Variants in GRHL2 observed in about 807,000 individuals in gnomAD.
GRHL2 encodes the protein grainyhead like transcription factor 2, also known as grainyhead-like protein 2 homolog.
Under a neutral mutation model 83.8 loss-of-function variants are expected in GRHL2, and 21 were observed. That is an observed-to-expected ratio of 0.25 (90% CI 0.18 to 0.36). The LOEUF is 0.36. Among genes scored for constraint, GRHL2 ranks in the 10% least tolerant of loss-of-function variants. The pLI is 1.00. For synonymous variants in GRHL2, 280 were observed against 278.9 expected (o/e 1.00, Z -0.04); for missense variants, 623 against 781.8 (o/e 0.80, Z 2.42).
rs534492441 is a variant in GRHL2, at chr8:101,566,401, C to G, written c.679-3938C>G. On this transcript the variant is annotated intron_variant, in intron 4 of 15. Coordinates refer to ENST00000646743, the MANE Select transcript of GRHL2 (RefSeq NM_024915.4). ...AAAGCTGTTATTTAACTTTGCAGCA[C>G]CATTTGACACTGTTGATCACTCCTC... 4.3e-4 allele frequency among the ~76,000 whole-genome samples: 65 copies of G among 151,564 alleles called. No homozygotes were observed. In the East Asian group the frequency reaches 9.5e-3, roughly 22 times the overall value.
intron 1 of GRHL2, among the ~76,000 whole-genome samples, chr8:101,502,837 T>C (rs982395579): frequency 2.3e-4 from 35 of 151,748 alleles, no homozygotes; most frequent in Admixed American, 9.9e-4. Flanking sequence ...CCCTTCTCCT[T>C]CTTTTTTTTC....
chr8:101,511,300 A>T (rs887226809), intron 1 of GRHL2, among the ~76,000 whole-genome samples: 1 of 152,200 alleles, frequency 6.6e-6, no homozygotes, highest in Non-Finnish European at 1.5e-5. Flanking sequence ...GGCTAAGCAT[A>T]TTGAAGCCTT....
chr8:101,577,706 C>T (rs1208568059), intron 7 of GRHL2, among the ~76,000 whole-genome samples, 187 bp downstream of exon 7: 1 of 152,216 alleles, frequency 6.6e-6, no homozygotes, highest in African/African-American at 2.4e-5. Flanking sequence ...AAGCCGAGAG[C>T]AAAGCGTTTT....
intron 8 of GRHL2, among the ~76,000 whole-genome samples, chr8:101,616,207 G>C (rs919554438): frequency 2.1e-5 from 3 of 145,534 alleles, no homozygotes; most frequent in Non-Finnish European, 4.5e-5. Context: ...TTTCACTCTT[G>C]TTGCCCAGGC....
chr8:101,632,963 C>G (rs1186081465), intron 11 of GRHL2, among the ~76,000 whole-genome samples: 1 of 152,134 alleles, frequency 6.6e-6, no homozygotes, highest in African/African-American at 2.4e-5. Context: ...ATTATGGTAG[C>G]TCAAGTTGAT....
At position 101,558,803 on chromosome 8, in the gene GRHL2, A is replaced by G; in HGVS notation, c.669A>G (p.Ala223=). The change falls in exon 4 of 16, where the codon GCA becomes GCG. Residue 223 remains alanine, a synonymous_variant. Coordinates refer to ENST00000646743, the MANE Select transcript of GRHL2 (RefSeq NM_024915.4). ...DSTYSESFKD[A]ATEKFRSASV... Reference sequence around the variant, plus strand: ...CATACAGCGAGAGCTTCAAGGACGCAGCCACAGAGGTGAGTCCCAGGCTCC... The same window carrying G: ...CATACAGCGAGAGCTTCAAGGACGCGGCCACAGAGGTGAGTCCCAGGCTCC... 4.3e-6 allele frequency: 7 copies of G among 1,614,102 alleles called. No homozygotes were observed. Among genetic ancestry groups the G allele is most frequent in the Non-Finnish European group, 5.1e-6 (6 of 1,179,994 alleles).
Position 101,594,069 on chromosome 8 carries a change from CAAAAAAAAAAA to C in GRHL2, c.1004-4969_1004-4959del, listed in dbSNP as rs534396520. Among the ~76,000 whole-genome samples the C allele has an allele frequency of 2.4e-3, 116 of 49,106 alleles. 1 individual carries two copies. The East Asian group carries it at 0.038, about 16-fold the overall frequency. The allele number at this position is 49,106 out of a possible 152,430, so 32.2% of individuals were successfully genotyped here. A position where few individuals can be genotyped will look rare whatever the true frequency, so the allele number is the denominator to read the frequency against. On this transcript the variant is annotated intron_variant, in intron 7 of 15. Coordinates refer to ENST00000646743, the MANE Select transcript of GRHL2 (RefSeq NM_024915.4). ...GGACAATAAGAGTGAGAGTCTGTAT[CAAAAAAAAAAA>C]AAAAAAAAAAAAAAAAAAGAGAGAG...
downstream of GRHL2, among the ~76,000 whole-genome samples, chr8:101,671,708 G>C (rs1780998268): frequency 6.6e-6 from 1 of 152,234 alleles, no homozygotes; most frequent in South Asian, 2.1e-4. Flanking sequence ...CCAGCACGCA[G>C]CTGGAGATCT....
chr8:101,586,141 G>C lies in GRHL2; in HGVS notation c.1003+8622G>C, dbSNP rs1419492089. The stretch of plus-strand genomic sequence containing the variant: ...AGGTGGGACTGCGGACTGCAGTGGC[G>C]CAATCTCGGCTCACTGCAAGCTCCG... On this transcript the variant is annotated intron_variant, in intron 7 of 15. Coordinates refer to ENST00000646743, the MANE Select transcript of GRHL2 (RefSeq NM_024915.4). Among the ~76,000 whole-genome samples the C allele has an allele frequency of 2.8e-5, 4 of 141,426 alleles. No individual in the cohort carries two copies. In the Admixed American group the frequency reaches 3.1e-4, roughly 11 times the overall value. The allele number at this position is 141,426 out of a possible 152,430, so 92.8% of individuals were successfully genotyped here. A position where few individuals can be genotyped will look rare whatever the true frequency, so the allele number is the denominator to read the frequency against.
chr8:101,548,375 T>C (rs770123576), intron 2 of GRHL2, among the ~76,000 whole-genome samples: 9 of 152,184 alleles, frequency 5.9e-5, no homozygotes, highest in Non-Finnish European at 1.3e-4. Flanking sequence ...AAAAGGGGCA[T>C]GTTCCAAGAG....
Position 101,593,039 on chromosome 8 carries a change from C to T in GRHL2, c.1004-6018C>T, listed in dbSNP as rs58232071. On this transcript the variant is annotated intron_variant, in intron 7 of 15. Transcript: ENST00000646743. Reference sequence around the variant, plus strand: ...TCGGCTCACTGCAACCTGTGCCTCCCGAGTTCCAGTGATTCTCCTGCCTCA... The same window carrying T: ...TCGGCTCACTGCAACCTGTGCCTCCTGAGTTCCAGTGATTCTCCTGCCTCA... 2.4e-3 allele frequency among the ~76,000 whole-genome samples: 357 copies of T among 151,256 alleles called. 7 individuals are homozygous for T. The East Asian group carries it at 0.057, about 24-fold the overall frequency.
intron 14 of GRHL2, among the ~76,000 whole-genome samples, chr8:101,661,488 C>A (rs1161002638): frequency 6.6e-6 from 1 of 152,226 alleles, no homozygotes; most frequent in Admixed American, 6.5e-5. Flanking sequence ...AACACACACA[C>A]ATCCTCCCAT....
At chr8:101,628,459 A>G (rs1813122837) in intron 9 of GRHL2, among the ~76,000 whole-genome samples, 1 of 152,032 alleles carries the variant, frequency 6.6e-6, no homozygotes, top group African/African-American at 2.4e-5. Context: ...CCAGTCACCC[A>G]AGAGCTCTGA....
At chr8:101,537,921 ATTTCT>A (rs748832239) in intron 1 of GRHL2, among the ~76,000 whole-genome samples, 2 of 152,144 alleles carry the variant, frequency 1.3e-5, no homozygotes, top group Non-Finnish European at 2.9e-5. Flanking sequence ...TTTTAAAAAA[ATTTCT>A]TTTCTTTCCT....
chr8:101,574,649 C>T lies in GRHL2; in HGVS notation c.891+825C>T, dbSNP rs77900753. 3.0e-3 allele frequency among the ~76,000 whole-genome samples: 455 copies of T among 152,324 alleles called. 1 individual carries two copies. The highest frequency in any genetic ancestry group is 5.1e-3 in the Non-Finnish European group (346 of 68,020). On this transcript the variant is annotated intron_variant, in intron 6 of 15. Coordinates refer to ENST00000646743, the MANE Select transcript of GRHL2 (RefSeq NM_024915.4). Reference sequence around the variant, plus strand: ...CTACAGCGCCACAACTCGGGCATGCCGCCAGTGCAGGTGGGGCGCAGGTTC... The same window carrying T: ...CTACAGCGCCACAACTCGGGCATGCTGCCAGTGCAGGTGGGGCGCAGGTTC...
chr8:101,657,953 G>A (rs974649717), intron 14 of GRHL2, among the ~76,000 whole-genome samples: 2 of 152,208 alleles, frequency 1.3e-5, no homozygotes, highest in Admixed American at 6.5e-5. Flanking sequence ...ATAGAAGGAA[G>A]GATTGTTGTG....
At chr8:101,632,718 A>C (rs972206094) in intron 11 of GRHL2, among the ~76,000 whole-genome samples, 1 of 152,212 alleles carries the variant, frequency 6.6e-6, no homozygotes, top group African/African-American at 2.4e-5. Context: ...GAGAAGTTGA[A>C]CTGCACCTGT....
rs142814399 is a variant in GRHL2, at chr8:101,611,978, C to G, written c.1099-7561C>G. Among the ~76,000 whole-genome samples the G allele has an allele frequency of 3.3e-4, 50 of 150,798 alleles. 5 individuals carry two copies. The highest frequency in any genetic ancestry group is 1.1e-3 in the African/African-American group (44 of 40,344). Reference sequence around the variant, plus strand: ...TTCCCTGGCTGCATTGTTGAGCTCTCTTCTTCTTCTTTCTCTTTTTTGAGA... The same window carrying G: ...TTCCCTGGCTGCATTGTTGAGCTCTGTTCTTCTTCTTTCTCTTTTTTGAGA... On this transcript the variant is annotated intron_variant, in intron 8 of 15. Transcript: ENST00000646743.
intron 1 of GRHL2, among the ~76,000 whole-genome samples, chr8:101,507,084 C>T (rs568229476): frequency 6.6e-6 from 1 of 152,240 alleles, no homozygotes; most frequent in Non-Finnish European, 1.5e-5. Flanking sequence ...ACCCTATGGG[C>T]TAACAGAGGC....
Sources: gnomAD v4.1 joint callset for allele counts (sites outside exome capture counted in the v4.1 genomes callset) on GRCh38, gnomAD v4.1.1 for gene constraint, MANE v1.5 for transcripts, NCBI Gene and HGNC (gene_info 2026-07-23, HGNC 2026-07-21) for gene names.